The following ST18 variants were observed in gnomAD, a reference collection of about 807,000 sequenced individuals.
ST18 encodes the protein suppression of tumorigenicity 18 protein.
In ST18, 50 loss-of-function variants were observed where a neutral mutation model predicts 110.0. The ratio of observed to expected loss-of-function variants is 0.45; its 90% CI spans 0.36 to 0.58. The LOEUF (loss-of-function observed/expected upper bound fraction) is 0.58, where lower values mean the gene tolerates loss of function less well. ST18 is among the 20% of genes least tolerant of loss of function. ST18 has a pLI of 0.00. For synonymous variants in ST18, 461 were observed against 452.4 expected, an observed-to-expected ratio of 1.02 and a Z score of -0.24; for missense variants, 1,306 against 1,280.1, an observed-to-expected ratio of 1.02 and a Z score of -0.31.
intron 2 of ST18, among the ~76,000 whole-genome samples, chr8:52,333,917 A>G (rs544447276): frequency 1.1e-4 from 16 of 152,074 alleles, no homozygotes; most frequent in African/African-American, 3.9e-4. Flanking sequence ...AGAAAAGCCA[A>G]TGGGCTCCAC....
chr8:52,256,737 A>G (rs1038776511), intron 2 of ST18, among the ~76,000 whole-genome samples: 4 of 152,232 alleles, frequency 2.6e-5, no homozygotes, highest in African/African-American at 9.6e-5. Flanking sequence ...GAATATCATT[A>G]TCATAGAAAT....
chr8:52,343,543 G>A (rs1259443525), intron 2 of ST18, among the ~76,000 whole-genome samples: 1 of 152,120 alleles, frequency 6.6e-6, no homozygotes, highest in African/African-American at 2.4e-5. Flanking sequence ...AAGTCCCCGT[G>A]GCCAAAAACC....
chr8:52,352,770 C>T (rs1424105975), intron 2 of ST18, among the ~76,000 whole-genome samples: 2 of 152,168 alleles, frequency 1.3e-5, no homozygotes, highest in Admixed American at 1.3e-4. Context: ...GGAAAAATCA[C>T]GGGACTGCGC....
intron 2 of ST18, among the ~76,000 whole-genome samples, chr8:52,332,437 A>C (rs561520022): frequency 1.3e-5 from 2 of 151,892 alleles, no homozygotes; most frequent in East Asian, 1.9e-4. Context: ...CGATGGAAGC[A>C]TATTCACTTG....
intron 2 of ST18, among the ~76,000 whole-genome samples, chr8:52,297,060 G>T (rs1053016814): frequency 2.0e-5 from 3 of 152,202 alleles, no homozygotes; most frequent in Admixed American, 1.3e-4. Flanking sequence ...GGACAGAACT[G>T]ATAGCCCGTG....
intron 2 of ST18, among the ~76,000 whole-genome samples, chr8:52,250,608 G>T (rs4551378): frequency 0.029 from 4,418 of 151,528 alleles, 119 homozygotes; most frequent in East Asian, 0.072. Context: ...ACCACAGTGA[G>T]CTGTGGGCCG....
intron 2 of ST18, among the ~76,000 whole-genome samples, chr8:52,353,050 T>C (rs982547084): frequency 2.6e-5 from 4 of 152,182 alleles, no homozygotes; most frequent in Non-Finnish European, 4.4e-5. Context: ...TCCACACTTT[T>C]TTGCACAAAT....
chr8:52,134,655 C>T (rs1208052350), intron 19 of ST18, among the ~76,000 whole-genome samples: 1 of 151,772 alleles, frequency 6.6e-6, no homozygotes, highest in Non-Finnish European at 1.5e-5. Context: ...TGCATCTCTT[C>T]TGGCTAACCA....
At chr8:52,323,460 C>A (rs553221594) in intron 2 of ST18, among the ~76,000 whole-genome samples, 1 of 150,110 alleles carries the variant, frequency 6.7e-6, no homozygotes, top group East Asian at 1.9e-4. Flanking sequence ...TGGTGTCCAG[C>A]GTGCTGGGAT....
At chr8:52,400,087 T>C (rs1842415371) in intron 2 of ST18, among the ~76,000 whole-genome samples, 1 of 152,116 alleles carries the variant, frequency 6.6e-6, no homozygotes, top group Non-Finnish European at 1.5e-5. Flanking sequence ...TACTTAGGTA[T>C]TCCAATGCTG....
intron 2 of ST18, chr8:52,393,820 T>C (rs1211545897): frequency 1.3e-5 from 2 of 149,230 alleles, no homozygotes; most frequent in Non-Finnish European, 3.0e-5. Context: ...GAGGCAGAGG[T>C]TGCAGTGAGC....
chr8:52,165,119 A>T lies in ST18; in HGVS notation c.1295+16T>A. On this transcript the variant is annotated intron_variant, in intron 12 of 25. Transcript: ENST00000689386. ...ATTTTTTAAATGCAAAATGATTATC[A>T]TCTAATGAGAATTACCTCCTGTGGG... is the stretch of plus-strand genomic sequence containing the variant. 6.2e-7 allele frequency: 1 copy of T among 1,613,190 alleles called. No homozygotes were observed. Among genetic ancestry groups the T allele is most frequent in the Non-Finnish European group, 8.5e-7 (1 of 1,179,160 alleles).
intron 2 of ST18, among the ~76,000 whole-genome samples, chr8:52,379,056 G>T (rs565315194): frequency 1.3e-5 from 2 of 151,200 alleles, no homozygotes. Context: ...ATCAAATAAT[G>T]CTATCTACAC....
intron 17 of ST18, among the ~76,000 whole-genome samples, chr8:52,140,478 C>T (rs957357389): frequency 8.6e-5 from 13 of 151,764 alleles, no homozygotes; most frequent in African/African-American, 2.9e-4. Context: ...GAGCCGAGAA[C>T]GCACCACTGA....
chr8:52,352,487 G>A (rs1036720117), intron 2 of ST18, among the ~76,000 whole-genome samples: 7 of 152,152 alleles, frequency 4.6e-5, no homozygotes, highest in Non-Finnish European at 8.8e-5. Context: ...CAGAATCCAT[G>A]TGTGCATCTC....
intron 2 of ST18, among the ~76,000 whole-genome samples, chr8:52,379,231 G>A (rs538533409): frequency 6.6e-6 from 1 of 151,740 alleles, no homozygotes; most frequent in East Asian, 1.9e-4. Context: ...CCGAGTAGCT[G>A]GGATTACAGG....
chr8:52,240,313 A>T lies in ST18; in HGVS notation c.-464-10236T>A, dbSNP rs183367559. Reference sequence around the variant, plus strand: ...AATATAATAATTAATAAAAACTAACATGTTAAAGGAACTTGCAGTTTAAAA... The same window carrying T: ...AATATAATAATTAATAAAAACTAACTTGTTAAAGGAACTTGCAGTTTAAAA... On this transcript the variant is annotated intron_variant, in intron 2 of 25. Coordinates refer to ENST00000689386, the MANE Select transcript of ST18 (RefSeq NM_001352837.2). Among the ~76,000 whole-genome samples the T allele has an allele frequency of 1.2e-3, 178 of 152,314 alleles. 1 individual carries two copies. Among genetic ancestry groups the T allele is most frequent in the African/African-American group, 4.2e-3 (174 of 41,572 alleles).
At chr8:52,270,220 AC>A (rs1205943266) in intron 2 of ST18, among the ~76,000 whole-genome samples, 1 of 152,192 alleles carries the variant, frequency 6.6e-6, no homozygotes, top group Non-Finnish European at 1.5e-5. Flanking sequence ...ACTTCACTTA[AC>A]CTCATAGCAT....
chr8:52,240,567 T>C (rs2093303158), intron 2 of ST18, among the ~76,000 whole-genome samples: 1 of 152,200 alleles, frequency 6.6e-6, no homozygotes, highest in African/African-American at 2.4e-5. Flanking sequence ...CATCTACTTT[T>C]TCTTTCTTCC....
Sources: gnomAD v4.1 joint callset for allele counts (sites outside exome capture counted in the v4.1 genomes callset) on GRCh38, gnomAD v4.1.1 for gene constraint, MANE v1.5 for transcripts, NCBI Gene and HGNC (gene_info 2026-07-23, HGNC 2026-07-21) for gene names.